Variants in KCNC4 observed in about 807,000 individuals in gnomAD.
KCNC4 encodes voltage-gated potassium channel KCNC4.
A neutral mutation model predicts 42.8 loss-of-function variants in KCNC4; 23 were observed. That is an observed-to-expected ratio of 0.54 (90% CI 0.39 to 0.76). The LOEUF (loss-of-function observed/expected upper bound fraction) is 0.76, where lower values mean the gene tolerates loss of function less well. Ranked by LOEUF, KCNC4 falls within the 30% of genes least tolerant of loss-of-function variation. KCNC4 has a pLI of 0.00. For synonymous variants in KCNC4, 422 were observed against 393.5 expected, an observed-to-expected ratio of 1.07 and a Z score of -0.86; for missense variants, 751 against 898.2, an observed-to-expected ratio of 0.84 and a Z score of 2.10.
exon 4 of KCNC4, chr1:110,239,600 G>A (rs1280345015): frequency 6.6e-6 from 1 of 152,198 alleles, no homozygotes; most frequent in Non-Finnish European, 1.5e-5. Flanking sequence ...GAATGGGCTG[G>A]AGATAGGCCT....
chr1:110,281,824 A>T lies in KCNC4; in HGVS notation n.31-710A>T, dbSNP rs577399728. Among the ~76,000 whole-genome samples, 9 of 152,286 alleles carry T rather than the reference A, an allele frequency of 5.9e-5. No homozygotes were observed. In the East Asian group the frequency reaches 1.7e-3, roughly 29 times the overall value. On this transcript the variant is annotated intron_variant and non_coding_transcript_variant, in intron 1 of 2. Coordinates refer to the KCNC4 transcript ENST00000412512. ...GCTTCAATCTCATGGATGACTGATC[A>T]CTCAGAACCCAGCCAGCCTCAGGGA...
chr1:110,227,494 A>C (rs1658459625), intron 3 of KCNC4, among the ~76,000 whole-genome samples: 1 of 152,232 alleles, frequency 6.6e-6, no homozygotes, highest in Non-Finnish European at 1.5e-5. Context: ...CAGCAACCCC[A>C]GCAAAAGGCA....
At chr1:110,215,885 A>G (rs1657769325) in intron 1 of KCNC4, among the ~76,000 whole-genome samples, 1 of 152,134 alleles carries the variant, frequency 6.6e-6, no homozygotes, top group Admixed American at 6.5e-5. Context: ...TGCTCCTCCT[A>G]TGGCCTCTGG....
chr1:110,213,310 G>A (rs1657607142), intron 1 of KCNC4, among the ~76,000 whole-genome samples: 1 of 151,614 alleles, frequency 6.6e-6, no homozygotes, highest in Admixed American at 6.6e-5. Context: ...AGACAGGAAA[G>A]AGCAATGTAA....
At chr1:110,257,675 C>G (rs1029279913) in intron 1 of KCNC4, among the ~76,000 whole-genome samples, 1 of 142,328 alleles carries the variant, frequency 7.0e-6, no homozygotes, top group Non-Finnish European at 1.5e-5. Flanking sequence ...AAGCCGAGAT[C>G]GCGCTACTGC....
rs1470735507 is a variant in KCNC4, at chr1:110,223,496, G to T, written c.1211G>T (p.Arg404Leu). Reference sequence around the variant, plus strand: ...GCCACCATGATCTACTACGCTGAGCGCATTGGGGCCAGGCCCTCCGACCCT... The same window carrying T: ...GCCACCATGATCTACTACGCTGAGCTCATTGGGGCCAGGCCCTCCGACCCT... ...IFATMIYYAE[R>L]IGARPSDPRG... The change falls in exon 2 of 4, where the codon CGC (arginine) becomes CTC (leucine). Residue 404 changes from arginine (R) to leucine (L), a missense_variant. By Grantham distance (102) the Arg-to-Leu change is moderately radical. Around this residue, in one of 4 missense-constraint regions of KCNC4, gnomAD observed 185 missense variants for 293.7 expected, o/e 0.63. Transcript: ENST00000438661. This position sits in a 1 kb window ranked among gnomAD's most constrained non-coding sequence, Gnocchi z 7.5. 2 of 1,613,796 alleles carry T rather than the reference G, an allele frequency of 1.2e-6. No homozygotes were observed. The highest frequency in any genetic ancestry group is 1.7e-6 in the Non-Finnish European group (2 of 1,180,044).
chr1:110,213,835 T>G (rs189747693), intron 1 of KCNC4, among the ~76,000 whole-genome samples: 19 of 152,232 alleles, frequency 1.2e-4, no homozygotes, highest in African/African-American at 4.3e-4. Context: ...CACACATCAT[T>G]CAGACTCTTT....
chr1:110,267,729 A>G (rs1659565303), intron 1 of KCNC4, among the ~76,000 whole-genome samples: 1 of 152,250 alleles, frequency 6.6e-6, no homozygotes, highest in South Asian at 2.1e-4. Flanking sequence ...CAGAATTATA[A>G]GTAATGAGAG....
chr1:110,251,290 T>G (rs1272263304), downstream of KCNC4, among the ~76,000 whole-genome samples: 2 of 152,184 alleles, frequency 1.3e-5, no homozygotes, highest in Non-Finnish European at 2.9e-5. Context: ...AATTCCCATG[T>G]GTTGTGGGAA....
chr1:110,236,001 A>G (rs1183234138), downstream of KCNC4: 1 of 152,172 alleles, frequency 6.6e-6, no homozygotes, highest in Non-Finnish European at 1.5e-5. Context: ...AGCCTCGCGC[A>G]CAGTGCCTAG....
At chr1:110,234,946 G>GT (rs1658870835), downstream of KCNC4, 1 of 152,396 alleles carries the variant, frequency 6.6e-6, no homozygotes, top group South Asian at 2.1e-4. Context: ...GATGGCCCCT[G>GT]TTTCAGAGAC....
At chr1:110,276,512 T>A (rs542052644) in intron 1 of KCNC4, among the ~76,000 whole-genome samples, 14 of 152,100 alleles carry the variant, frequency 9.2e-5, no homozygotes, top group Non-Finnish European at 1.9e-4. Flanking sequence ...TGGCAGGACT[T>A]TTTCTGGAGT....
chr1:110,248,832 G>C (rs969764295), exon 4 of KCNC4: 2 of 152,210 alleles, frequency 1.3e-5, no homozygotes, highest in Non-Finnish European at 2.9e-5. Context: ...AGAAGCACTT[G>C]TTTAGAATTG....
At position 110,233,018 on chromosome 1, in the gene KCNC4, A is replaced by G. The variant is rs1658779333; in HGVS notation, c.*46A>G. On this transcript the variant is annotated 3_prime_UTR_variant, in exon 4 of 4. Transcript: ENST00000438661. ...GACAGGCAGACAGACAGAAAGCCAG[A>G]GGCTTAGGGAAACTCTGGAACCCAG... 5.7e-6 allele frequency: 9 copies of G among 1,590,010 alleles called. No individual in the cohort carries two copies. The highest frequency in any genetic ancestry group is 7.7e-6 in the Non-Finnish European group (9 of 1,167,726).
chr1:110,221,629 G>A (rs1171259465), intron 1 of KCNC4: 1 of 152,204 alleles, frequency 6.6e-6, no homozygotes, highest in Non-Finnish European at 1.5e-5. Context: ...ACCTCTCTGA[G>A]TCCTCACTGG....
intron 3 of KCNC4, among the ~76,000 whole-genome samples, chr1:110,226,671 A>G (rs1358884052): frequency 1.3e-5 from 2 of 152,196 alleles, no homozygotes; most frequent in African/African-American, 2.4e-5. Context: ...GTCCTGGAGC[A>G]CAGGATGGGC....
chr1:110,223,151 T>G lies in KCNC4; in HGVS notation c.866T>G (p.Val289Gly). The change falls in exon 2 of 4, where the codon GTG (valine) becomes GGG (glycine). Residue 289 changes from valine to glycine, a missense_variant. This residue lies in a region of KCNC4 where 185 missense variants were observed against 293.7 expected (regional missense o/e 0.63). Coordinates refer to ENST00000438661, the MANE Select transcript of KCNC4 (RefSeq NM_001039574.3). This position sits in a 1 kb window ranked among gnomAD's most constrained non-coding sequence, Gnocchi z 7.5. ...CTGACCTACATCGAGGGCGTATGTG[T>G]GCTGTGGTTCACACTGGAGTTCCTG... The part of the protein sequence containing the change: ...PILTYIEGVC[V>G]LWFTLEFLVR... The G allele has an allele frequency of 6.2e-7, 1 of 1,614,186 alleles. No homozygotes were observed. Among genetic ancestry groups the G allele is most frequent in the Non-Finnish European group, 8.5e-7 (1 of 1,180,022 alleles).
At chr1:110,220,165 C>T (rs1387942544) in intron 1 of KCNC4, 1 of 152,246 alleles carries the variant, frequency 6.6e-6, no homozygotes, top group Admixed American at 6.5e-5. Flanking sequence ...TCTCTTGTGC[C>T]TCTATTTCAC....
Position 110,281,014 on chromosome 1 carries a change from C to T in KCNC4, n.31-1520C>T, listed in dbSNP as rs1659811384. 4.6e-5 allele frequency among the ~76,000 whole-genome samples: 7 copies of T among 152,150 alleles called. 1 individual carries two copies. In the South Asian group the frequency reaches 1.5e-3, roughly 32 times the overall value. ...AGGACAGGACCGTGAGCATCCTGCC[C>T]CAAGTCACTCAGATCCTCCTGGGGG... On this transcript the variant is annotated intron_variant and non_coding_transcript_variant, in intron 1 of 2. Coordinates refer to the KCNC4 transcript ENST00000412512.
Sources: allele counts gnomAD v4.1 joint callset (sites outside exome capture counted in the v4.1 genomes callset), GRCh38; gene constraint gnomAD v4.1.1; regional missense constraint gnomAD v4.1.1; non-coding constraint Gnocchi (gnomAD v3.1); transcripts MANE v1.5; gene names NCBI Gene and HGNC (gene_info 2026-07-23, HGNC 2026-07-21).